The following CLDN16 variants were observed in gnomAD, a reference collection of about 807,000 sequenced individuals.
CLDN16 encodes claudin 16, also known as claudin-16.
CLDN16 carries 13 observed loss-of-function variants against 24.6 expected under a neutral mutation model. The observed-to-expected ratio is 0.53, with a 90% CI of 0.34 to 0.84. The LOEUF (loss-of-function observed/expected upper bound fraction) is 0.84. Ranked by LOEUF, CLDN16 falls within the 40% of genes least tolerant of loss-of-function variation. The probability of loss-of-function intolerance (pLI) is 0.01; values close to 1 mark genes in which losing one functional copy is unlikely to be tolerated. For synonymous variants in CLDN16, 116 were observed against 106.7 expected (o/e 1.09, Z -0.54); for missense variants, 298 against 292.7 (o/e 1.02, Z -0.13).
upstream of CLDN16, among the ~76,000 whole-genome samples, chr3:190,384,468 G>A (rs1279743949): frequency 6.6e-6 from 1 of 152,150 alleles, no homozygotes; most frequent in South Asian, 2.1e-4. Flanking sequence ...CAACAGCCAC[G>A]GTGCTAGATT....
chr3:190,404,340 TA>T (rs200342776), intron 2 of CLDN16, among the ~76,000 whole-genome samples: 2,165 of 151,704 alleles, frequency 0.014, 38 homozygotes, highest in African/African-American at 0.044. Context: ...TATTTTTAAA[TA>T]AAAAAAAATT....
intron 1 of CLDN16, among the ~76,000 whole-genome samples, chr3:190,330,370 T>A (rs1717157630): frequency 6.6e-6 from 1 of 152,220 alleles, no homozygotes; most frequent in African/African-American, 2.4e-5. Flanking sequence ...TGTGTCATAA[T>A]GAAGTTGTTT....
At chr3:190,313,799 T>A in the CLDN16 span, among the ~76,000 whole-genome samples, 7 of 152,304 alleles carry the variant, frequency 4.6e-5, no homozygotes, top group African/African-American at 1.7e-4. Flanking sequence ...TTTTCTAATT[T>A]CCCATCATTA....
chr3:190,314,429 C>T, the CLDN16 span, among the ~76,000 whole-genome samples: 120 of 152,270 alleles, frequency 7.9e-4, no homozygotes, highest in South Asian at 1.2e-3. Flanking sequence ...GAGTCTTGCT[C>T]TGTTGCCCAG....
the CLDN16 span, among the ~76,000 whole-genome samples, chr3:190,301,783 G>C: frequency 6.6e-6 from 1 of 152,092 alleles, no homozygotes; most frequent in Admixed American, 6.6e-5. Context: ...TCATCAAGCC[G>C]TCTCTTGCCT....
intron 1 of CLDN16, among the ~76,000 whole-genome samples, chr3:190,368,737 A>C (rs780927073): frequency 5.9e-5 from 9 of 151,964 alleles, no homozygotes; most frequent in Non-Finnish European, 1.3e-4. Context: ...GACAAGGAAA[A>C]CCAGCATGAA....
intron 1 of CLDN16, among the ~76,000 whole-genome samples, chr3:190,341,968 G>T (rs1717448469): frequency 1.3e-5 from 2 of 152,084 alleles, no homozygotes. Flanking sequence ...TTCCCCAAAA[G>T]GTCCTTATTT....
At chr3:190,313,837 T>C in the CLDN16 span, among the ~76,000 whole-genome samples, 1 of 152,182 alleles carries the variant, frequency 6.6e-6, no homozygotes, top group African/African-American at 2.4e-5. Context: ...CATGATCAAA[T>C]AAACAGGGTC....
chr3:190,387,649 TG>T (rs1223927513), upstream of CLDN16, among the ~76,000 whole-genome samples: 2 of 152,126 alleles, frequency 1.3e-5, no homozygotes, highest in African/African-American at 4.8e-5. Flanking sequence ...AATGCACACT[TG>T]TTCCCACTCT....
At chr3:190,396,689 C>T (rs1307132406) in intron 1 of CLDN16, among the ~76,000 whole-genome samples, 1 of 152,002 alleles carries the variant, frequency 6.6e-6, no homozygotes, top group East Asian at 1.9e-4. Flanking sequence ...ATTGCACATA[C>T]AAAAGATAAT....
At chr3:190,325,122 A>G (rs1261614955) in intron 1 of CLDN16, among the ~76,000 whole-genome samples, 1 of 152,110 alleles carries the variant, frequency 6.6e-6, no homozygotes, top group Non-Finnish European at 1.5e-5. Flanking sequence ...GTTGCTGTAT[A>G]TTTTCATCAA....
At chr3:190,395,739 A>G (rs144535818) in intron 1 of CLDN16, among the ~76,000 whole-genome samples, 141 of 152,190 alleles carry the variant, frequency 9.3e-4, no homozygotes, top group Non-Finnish European at 1.5e-3. Flanking sequence ...TTAAAATAAT[A>G]TATCTTAATA....
intron 1 of CLDN16, among the ~76,000 whole-genome samples, chr3:190,335,023 C>CTTTTTTTTTTTTTTTTTTTT (rs57744577): frequency 2.2e-5 from 3 of 134,340 alleles, no homozygotes; most frequent in Non-Finnish European, 4.9e-5. Flanking sequence ...TTTCTTTTTT[C>CTTTTTTTTTTTTTTTTTTTT]TTTTTTTTTT....
At chr3:190,408,635 A>G (rs780901757) in intron 4 of CLDN16, 130 bp downstream of exon 4, 51 of 844,324 alleles carry the variant, frequency 6.0e-5, no homozygotes, top group Non-Finnish European at 8.7e-5. Flanking sequence ...AAAAATTCCA[A>G]TTGTTCAAGG....
intron 1 of CLDN16, among the ~76,000 whole-genome samples, chr3:190,398,224 G>T (rs780138357): frequency 6.6e-6 from 1 of 152,138 alleles, no homozygotes; most frequent in Non-Finnish European, 1.5e-5. Context: ...TATAGTTGCC[G>T]TAACAAATGA....
At chr3:190,357,650 C>G (rs1470233081) in intron 1 of CLDN16, among the ~76,000 whole-genome samples, 1 of 151,950 alleles carries the variant, frequency 6.6e-6, no homozygotes, top group African/African-American at 2.4e-5. Flanking sequence ...ACACCACACC[C>G]TGCACACTTG....
upstream of CLDN16, among the ~76,000 whole-genome samples, chr3:190,383,398 G>A (rs1718413340): frequency 6.6e-6 from 1 of 152,056 alleles, no homozygotes; most frequent in Non-Finnish European, 1.5e-5. Context: ...CGGTAAACCT[G>A]TGCACTTCTC....
chr3:190,291,424 G>A, the CLDN16 span, among the ~76,000 whole-genome samples: 7 of 152,222 alleles, frequency 4.6e-5, no homozygotes, highest in East Asian at 1.9e-4. Flanking sequence ...AAGAGAGGGT[G>A]TAACAGAAGT....
chr3:190,370,028 C>A (rs1223028375), intron 1 of CLDN16, among the ~76,000 whole-genome samples: 4 of 151,904 alleles, frequency 2.6e-5, no homozygotes, highest in African/African-American at 9.7e-5. Context: ...CCCTAAATAG[C>A]TGACATTCTT....
Sources: gnomAD v4.1 joint callset for allele counts (sites outside exome capture counted in the v4.1 genomes callset) on GRCh38, gnomAD v4.1.1 for gene constraint, MANE v1.5 for transcripts, NCBI Gene and HGNC (gene_info 2026-07-23, HGNC 2026-07-21) for gene names.